Variants in FAXC observed in about 807,000 individuals in gnomAD.
The protein encoded by FAXC is failed axon connections homolog.
A neutral mutation model predicts 41.9 loss-of-function variants in FAXC; 10 were observed. That is an observed-to-expected ratio of 0.24 (90% CI 0.15 to 0.41). The LOEUF (loss-of-function observed/expected upper bound fraction) is 0.41. Ranked by LOEUF, FAXC falls within the 10% of genes least tolerant of loss-of-function variation. FAXC has a pLI of 1.00. For missense variants in FAXC, 399 were observed against 510.9 expected, an observed-to-expected ratio of 0.78 and a Z score of 2.11; for synonymous variants, 183 against 183.8, an observed-to-expected ratio of 1.00 and a Z score of 0.03.
intron 4 of FAXC, among the ~76,000 whole-genome samples, chr6:99,319,398 CAA>C (rs57370118): frequency 1.7e-4 from 8 of 47,646 alleles, no homozygotes; most frequent in South Asian, 8.7e-4. Context: ...GACTCCGTCT[CAA>C]AAAAAAAAAA....
rs1285797585 is a variant in FAXC, at chr6:99,278,356, A to G, written c.*2808T>C. On this transcript the variant is annotated 3_prime_UTR_variant, in exon 6 of 6. Transcript: ENST00000389677. ...ATTTACTTTTACAATGACAGGAAAAAAAGAACGAATAGCCTATGGGTCTGT... is the reference window on the plus strand; with the variant it reads ...ATTTACTTTTACAATGACAGGAAAAGAAGAACGAATAGCCTATGGGTCTGT... 2 of 152,230 alleles carry G rather than the reference A, an allele frequency of 1.3e-5. No homozygotes were observed. The highest frequency in any genetic ancestry group is 2.9e-5 in the Non-Finnish European group (2 of 68,042). The allele number at this position is 152,230 out of a possible 1,614,324, so 9.4% of individuals were successfully genotyped here.
chr6:99,341,085 A>G (rs1773411519), intron 2 of FAXC, among the ~76,000 whole-genome samples: 1 of 152,250 alleles, frequency 6.6e-6, no homozygotes, highest in Non-Finnish European at 1.5e-5. Flanking sequence ...TTATAACAGA[A>G]TAAATACAGA....
At position 99,277,654 on chromosome 6, in the gene FAXC, G is replaced by A. The variant is rs1351181191; in HGVS notation, c.*3510C>T. The A allele has an allele frequency of 6.6e-6, 1 of 152,246 alleles. No homozygotes were observed. Among genetic ancestry groups the A allele is most frequent in the Non-Finnish European group, 1.5e-5 (1 of 68,100 alleles). 9.4% of individuals were successfully genotyped at this position (152,246 alleles called of 1,614,324 possible). A position where few individuals can be genotyped will look rare whatever the true frequency, so the allele number is the denominator to read the frequency against. ...AAAGCGAAGTAGGATTCCAACCAGG[G>A]AATGGCTGGAGATGTGCTGGTTGTC... is the stretch of plus-strand genomic sequence containing the variant. On this transcript the variant is annotated 3_prime_UTR_variant, in exon 6 of 6. Coordinates refer to ENST00000389677, the MANE Select transcript of FAXC (RefSeq NM_032511.4).
intron 5 of FAXC, among the ~76,000 whole-genome samples, chr6:99,287,319 T>C (rs904341562): frequency 6.6e-6 from 1 of 152,200 alleles, no homozygotes; most frequent in Non-Finnish European, 1.5e-5. Flanking sequence ...ATTACATACA[T>C]ACCACAATAT....
intron 1 of FAXC, among the ~76,000 whole-genome samples, 166 bp downstream of exon 1, chr6:99,348,941 C>T (rs1773691361): frequency 6.6e-6 from 1 of 152,226 alleles, no homozygotes; most frequent in Non-Finnish European, 1.5e-5. Context: ...TAAACTGCCC[C>T]TCACGGCCAG....
chr6:99,303,052 A>T (rs1256240310), intron 4 of FAXC, among the ~76,000 whole-genome samples: 1 of 152,248 alleles, frequency 6.6e-6, no homozygotes, highest in Admixed American at 6.5e-5. Context: ...TGGGAAAAAA[A>T]GTATATTAAC....
chr6:99,334,653 T>A (rs543371944), intron 2 of FAXC: 1 of 926,466 alleles, frequency 1.1e-6, no homozygotes, highest in African/African-American at 1.8e-5. Flanking sequence ...ATCCATATCC[T>A]CTTAATACAT....
intron 1 of FAXC, among the ~76,000 whole-genome samples, chr6:99,344,402 GT>G (rs1773525151): frequency 6.6e-6 from 1 of 151,962 alleles, no homozygotes; most frequent in Admixed American, 6.6e-5. Context: ...CCCTCGCATT[GT>G]TCCCAGTACA....
chr6:99,321,979 T>C (rs981147143), intron 4 of FAXC, among the ~76,000 whole-genome samples: 2 of 152,204 alleles, frequency 1.3e-5, no homozygotes, highest in African/African-American at 4.8e-5. Flanking sequence ...GGAACAGACA[T>C]AGCCATTGTT....
chr6:99,324,654 C>T (rs776628765), intron 3 of FAXC, among the ~76,000 whole-genome samples: 34 of 152,122 alleles, frequency 2.2e-4, no homozygotes, highest in Admixed American at 1.8e-3. Context: ...TGCTGGCCAC[C>T]GTACCCAGGT....
At chr6:99,327,229 A>G (rs1445344331) in intron 3 of FAXC, among the ~76,000 whole-genome samples, 1 of 152,210 alleles carries the variant, frequency 6.6e-6, no homozygotes, top group Non-Finnish European at 1.5e-5. Flanking sequence ...TGAAATGTGT[A>G]TAAACTTTAA....
At chr6:99,340,603 T>G (rs1279196079) in intron 2 of FAXC, among the ~76,000 whole-genome samples, 3 of 148,302 alleles carry the variant, frequency 2.0e-5, no homozygotes, top group Admixed American at 1.4e-4. Flanking sequence ...GCTAGTCAAA[T>G]AACATACTAA....
chr6:99,341,088 A>T (rs1187458435), intron 2 of FAXC, among the ~76,000 whole-genome samples: 3 of 152,238 alleles, frequency 2.0e-5, no homozygotes, highest in Non-Finnish European at 4.4e-5. Context: ...TAACAGAATA[A>T]ATACAGACTT....
chr6:99,314,268 T>A (rs1772251818), intron 4 of FAXC, among the ~76,000 whole-genome samples: 1 of 151,790 alleles, frequency 6.6e-6, no homozygotes, highest in Non-Finnish European at 1.5e-5. Context: ...ATCACTAAAC[T>A]TTCTCAGTTC....
In FAXC at chr6:99,273,321, C is replaced by G. The variant is rs1357419082; in HGVS notation, c.*7843G>C. 6.6e-6 allele frequency: 1 copy of G among 151,414 alleles called. No individual in the cohort carries two copies. Among genetic ancestry groups the G allele is most frequent in the Non-Finnish European group, 1.5e-5 (1 of 67,908 alleles). 9.4% of individuals were successfully genotyped at this position (151,414 alleles called of 1,614,324 possible). A position where few individuals can be genotyped will look rare whatever the true frequency, so the allele number is the denominator to read the frequency against. ...CACATCTTCCACACATTTGAAGACA[C>G]AAGATTATAAACAAATAGAAAAAAA... On this transcript the variant is annotated 3_prime_UTR_variant, in exon 6 of 6. Coordinates refer to ENST00000389677, the MANE Select transcript of FAXC (RefSeq NM_032511.4).
intron 4 of FAXC, among the ~76,000 whole-genome samples, chr6:99,322,627 C>A (rs1046899626): frequency 2.0e-5 from 3 of 152,190 alleles, no homozygotes; most frequent in African/African-American, 7.2e-5. Context: ...ACTTGGCTCC[C>A]TGTACATTAG....
chr6:99,308,187 C>T (rs918529978), intron 4 of FAXC, among the ~76,000 whole-genome samples: 1 of 152,146 alleles, frequency 6.6e-6, no homozygotes, highest in Non-Finnish European at 1.5e-5. Context: ...ATCCCATCTA[C>T]TTGGGAGGCT....
At chr6:99,295,759 C>T (rs888963545) in intron 4 of FAXC, among the ~76,000 whole-genome samples, 2 of 152,166 alleles carry the variant, frequency 1.3e-5, no homozygotes, top group African/African-American at 2.4e-5. Flanking sequence ...TGATATTAAC[C>T]GTAACCATGT....
intron 3 of FAXC, among the ~76,000 whole-genome samples, chr6:99,324,043 G>T (rs994975261): frequency 6.6e-6 from 1 of 152,132 alleles, no homozygotes; most frequent in Non-Finnish European, 1.5e-5. Context: ...GGGGGCACAG[G>T]GCAGGAGGCA....
Sources: gnomAD v4.1 joint callset for allele counts (sites outside exome capture counted in the v4.1 genomes callset) on GRCh38, gnomAD v4.1.1 for gene constraint, MANE v1.5 for transcripts, NCBI Gene and HGNC (gene_info 2026-07-23, HGNC 2026-07-21) for gene names.